MYH9: variants seen among roughly 807,000 people sequenced by gnomAD.
The protein encoded by MYH9 is myosin-9.
A neutral mutation model predicts 241.9 loss-of-function variants in MYH9; 29 were observed. The ratio of observed to expected loss-of-function variants is 0.12; its 90% CI spans 0.09 to 0.16. The LOEUF (loss-of-function observed/expected upper bound fraction) is 0.16, where lower values mean the gene tolerates loss of function less well. Ranked by LOEUF, MYH9 falls within the 10% of genes least tolerant of loss-of-function variation. MYH9 has a pLI of 1.00. For synonymous variants in MYH9, 1,047 were observed against 1,062.6 expected (o/e 0.99, Z 0.29); for missense variants, 1,803 against 2,595.5 (o/e 0.69, Z 6.63).
chr22:36,379,584 C>G (rs2018223909), intron 1 of MYH9, among the ~76,000 whole-genome samples: 1 of 152,208 alleles, frequency 6.6e-6, no homozygotes, highest in South Asian at 2.1e-4. Context: ...TGAGAAGCCC[C>G]TTTTCTCCTC....
chr22:36,374,280 G>A (rs1218800404), intron 1 of MYH9, among the ~76,000 whole-genome samples: 1 of 152,194 alleles, frequency 6.6e-6, no homozygotes, highest in Non-Finnish European at 1.5e-5. Flanking sequence ...CACTTTGGGA[G>A]GCCAAGGTGG....
chr22:36,301,508 T>G (rs765921719), intron 21 of MYH9, 26 bp downstream of exon 21: 3 of 1,612,004 alleles, frequency 1.9e-6, no homozygotes, highest in Non-Finnish European at 1.7e-6. Flanking sequence ...TCGTGCGACC[T>G]GGACTGAGCC....
intron 35 of MYH9, among the ~76,000 whole-genome samples, chr22:36,286,403 G>A (rs1453777127): frequency 6.6e-6 from 1 of 152,176 alleles, no homozygotes; most frequent in Non-Finnish European, 1.5e-5. Flanking sequence ...GGGCTCAGGT[G>A]CGACGGGCAG....
chr22:36,293,542 C>T lies in MYH9; in HGVS notation c.3943-61G>A. On this transcript the variant is annotated intron_variant, in intron 29 of 40. Transcript: ENST00000216181. The surrounding 1 kb of genome is among the most constrained non-coding windows in gnomAD (Gnocchi z 5.1). ...AGGGTGGTGTCCAAAACCCAGGAACCCCACACCCTTGAGGAGAGGGAGGAG... is the reference window on the plus strand; with the variant it reads ...AGGGTGGTGTCCAAAACCCAGGAACTCCACACCCTTGAGGAGAGGGAGGAG... 6.3e-7 allele frequency: 1 copy of T among 1,599,636 alleles called. No individual in the cohort carries two copies. Among genetic ancestry groups the T allele is most frequent in the Non-Finnish European group, 8.5e-7 (1 of 1,173,902 alleles).
At chr22:36,372,522 A>T (rs1416371482) in intron 1 of MYH9, among the ~76,000 whole-genome samples, 2 of 142,674 alleles carry the variant, frequency 1.4e-5, no homozygotes, top group East Asian at 3.9e-4. Flanking sequence ...GACAGGTAAT[A>T]AAAAAAAAAA....
intron 11 of MYH9, 32 bp from the exon 12 acceptor site, chr22:36,316,701 G>T: frequency 6.2e-7 from 1 of 1,612,572 alleles, no homozygotes; most frequent in South Asian, 1.1e-5. Flanking sequence ...CGTGGTGTCA[G>T]ATACAAAGGA....
intron 3 of MYH9, among the ~76,000 whole-genome samples, chr22:36,335,112 G>A (rs1054629154): frequency 1.3e-5 from 2 of 151,988 alleles, no homozygotes; most frequent in Non-Finnish European, 2.9e-5. Flanking sequence ...TCGGTGGGGC[G>A]CCCCTCCTCT....
rs1017655300 is a variant in MYH9, at chr22:36,344,525, C to T, written c.334-2999G>A. On this transcript the variant is annotated intron_variant, in intron 2 of 40. Transcript: ENST00000216181. The stretch of plus-strand genomic sequence containing the variant: ...TGACATGCTAATAACTCTGCATCTG[C>T]TGGGGTCTCCACTAGAATGACTACA... 2.0e-5 allele frequency among the ~76,000 whole-genome samples: 3 copies of T among 152,362 alleles called. No homozygotes were observed. In the East Asian group the frequency reaches 5.8e-4, roughly 29 times the overall value.
intron 1 of MYH9, among the ~76,000 whole-genome samples, chr22:36,350,143 C>A (rs936630198): frequency 6.6e-6 from 1 of 152,210 alleles, no homozygotes; most frequent in African/African-American, 2.4e-5. Flanking sequence ...GAGTGCTTCC[C>A]TTTGGGGACA....
chr22:36,335,046 T>C (rs576995440), intron 3 of MYH9, among the ~76,000 whole-genome samples: 5 of 152,060 alleles, frequency 3.3e-5, no homozygotes, highest in Non-Finnish European at 7.4e-5. Context: ...TGGTGCCCTA[T>C]AGAAGTGCTG....
intron 3 of MYH9, among the ~76,000 whole-genome samples, chr22:36,332,661 TAAAAAAAAAAAAAA>T (rs67602880): frequency 5.8e-4 from 26 of 44,506 alleles, no homozygotes; most frequent in East Asian, 1.0e-3. Flanking sequence ...TCTGGATAAT[TAAAAAAAAAAAAAA>T]AAAAAAAAAA....
intron 1 of MYH9, among the ~76,000 whole-genome samples, chr22:36,383,777 G>A (rs1379575667): frequency 1.3e-5 from 2 of 151,748 alleles, no homozygotes; most frequent in Non-Finnish European, 2.9e-5. Flanking sequence ...GGCCAACATA[G>A]TGAAACCCTG....
intron 14 of MYH9, among the ~76,000 whole-genome samples, chr22:36,310,269 CAA>C (rs575607583): frequency 3.7e-5 from 5 of 133,924 alleles, no homozygotes; most frequent in Admixed American, 7.2e-5. Context: ...GACTCCGTCT[CAA>C]AAAAAAAAAA....
rs534343949 is a variant in MYH9, at chr22:36,290,715, C to T, written c.4344+1271G>A. ...CTAGGAGGTGAGGAGCGCCTCTTCCCGGCCGCCATCACATCTAGGAAGTGA... is the reference window on the plus strand; with the variant it reads ...CTAGGAGGTGAGGAGCGCCTCTTCCTGGCCGCCATCACATCTAGGAAGTGA... On this transcript the variant is annotated intron_variant, in intron 31 of 40. Coordinates refer to ENST00000216181, the MANE Select transcript of MYH9 (RefSeq NM_002473.6). 1.6e-4 allele frequency among the ~76,000 whole-genome samples: 25 copies of T among 151,816 alleles called. 2 individuals are homozygous for T. In the South Asian group the frequency reaches 3.5e-3, roughly 22 times the overall value.
chr22:36,323,179 T>C (rs1345575868), intron 5 of MYH9, among the ~76,000 whole-genome samples: 3 of 152,212 alleles, frequency 2.0e-5, no homozygotes, highest in Non-Finnish European at 2.9e-5. Context: ...AAATGCACCC[T>C]TGTGCCTTCT....
chr22:36,341,550 G>A, intron 2 of MYH9, 24 bp from the exon 3 acceptor site: 1 of 1,612,164 alleles, frequency 6.2e-7, no homozygotes. Flanking sequence ...CGGCAGATAG[G>A]AACAGGTTAG....
At chr22:36,291,948 G>A in intron 31 of MYH9, 38 bp downstream of exon 31, 3 of 1,613,664 alleles carry the variant, frequency 1.9e-6, no homozygotes, top group Non-Finnish European at 2.5e-6. Flanking sequence ...GTGCTTGAAG[G>A]AGAGGAAATG....
At position 36,282,873 on chromosome 22, in the gene MYH9, C is replaced by T. The variant is rs1006936564; in HGVS notation, c.5766-88G>A. On this transcript the variant is annotated intron_variant, in intron 40 of 40. Coordinates refer to ENST00000216181, the MANE Select transcript of MYH9 (RefSeq NM_002473.6). Reference sequence around the variant, plus strand: ...CAGCCCACACATCTCAAAGTGAATTCGAGAGGGAAACCAGGTGCCTGGCTG... The same window carrying T: ...CAGCCCACACATCTCAAAGTGAATTTGAGAGGGAAACCAGGTGCCTGGCTG... The T allele has an allele frequency of 1.0e-5, 12 of 1,204,232 alleles. No homozygotes were observed. The African/African-American group carries it at 1.1e-4, about 11-fold the overall frequency. 74.6% of individuals were successfully genotyped at this position (1,204,232 alleles called of 1,614,324 possible). A position where few individuals can be genotyped will look rare whatever the true frequency, so the allele number is the denominator to read the frequency against.
At position 36,294,914 on chromosome 22, in the gene MYH9, C is replaced by CA; in HGVS notation, c.3630+17_3630+18insT. 1 of 1,610,674 alleles carries CA rather than the reference C, an allele frequency of 6.2e-7. No homozygotes were observed. The highest frequency in any genetic ancestry group is 2.2e-5 in the East Asian group (1 of 44,870). On this transcript the variant is annotated intron_variant, in intron 27 of 40. Coordinates refer to ENST00000216181, the MANE Select transcript of MYH9 (RefSeq NM_002473.6). ...GGGAACCCTGCCCTCCCCCTGCGGT[C>CA]TCAGGGAGGCTCCGCACCCGCTTCG...
Sources: gnomAD v4.1 joint callset for allele counts (sites outside exome capture counted in the v4.1 genomes callset) on GRCh38, gnomAD v4.1.1 for gene constraint, Gnocchi (gnomAD v3.1) non-coding constraint, MANE v1.5 for transcripts, NCBI Gene and HGNC (gene_info 2026-07-23, HGNC 2026-07-21) for gene names.